Variants in MTR observed in about 807,000 individuals in gnomAD.
MTR encodes the protein methionine synthase.
Under a neutral mutation model 154.8 loss-of-function variants are expected in MTR, and 84 were observed. The ratio of observed to expected loss-of-function variants is 0.54; its 90% CI spans 0.45 to 0.65. MTR has a LOEUF of 0.65. MTR is among the 30% of genes least tolerant of loss of function. The probability of loss-of-function intolerance (pLI) is 0.00; values close to 1 mark genes in which losing one functional copy is unlikely to be tolerated. For missense variants in MTR, 1,275 were observed against 1,570.2 expected, an observed-to-expected ratio of 0.81 and a Z score of 3.18; for synonymous variants, 554 against 553.9, an observed-to-expected ratio of 1.00 and a Z score of 0.00.
At position 236,795,746 on chromosome 1, in the gene MTR, G is replaced by A; in HGVS notation, c.34+9G>A. 6.2e-7 allele frequency: 1 copy of A among 1,614,180 alleles called. No individual in the cohort carries two copies. Among genetic ancestry groups the A allele is most frequent in the Non-Finnish European group, 8.5e-7 (1 of 1,180,044 alleles). On this transcript the variant is annotated intron_variant, in intron 1 of 32. Transcript: ENST00000366577. Reference sequence around the variant, plus strand: ...AGACCTGTCGCAACCCGGTAACGCTGCGACCCCGTCTGCGTGGTTGGGTTG... The same window carrying A: ...AGACCTGTCGCAACCCGGTAACGCTACGACCCCGTCTGCGTGGTTGGGTTG...
At chr1:236,842,972 G>C (rs1195695251) in intron 15 of MTR, among the ~76,000 whole-genome samples, 1 of 151,288 alleles carries the variant, frequency 6.6e-6, no homozygotes, top group East Asian at 1.9e-4. Context: ...TGTAATCCTA[G>C]CTACTGGGGA....
At chr1:236,862,805 G>A (rs1664621120) in intron 21 of MTR, among the ~76,000 whole-genome samples, 1 of 152,168 alleles carries the variant, frequency 6.6e-6, no homozygotes. Context: ...CTTGTTGGCT[G>A]CACCACCAGA....
chr1:236,835,514 C>A, intron 13 of MTR, 33 bp from the exon 14 acceptor site: 1 of 1,612,426 alleles, frequency 6.2e-7, no homozygotes, highest in Non-Finnish European at 8.5e-7. Context: ...TAACTGTCTC[C>A]TAATGCTGCT....
chr1:236,840,486 G>C (rs1663164675), intron 15 of MTR, among the ~76,000 whole-genome samples: 1 of 152,180 alleles, frequency 6.6e-6, no homozygotes, highest in South Asian at 2.1e-4. Flanking sequence ...TGTCAGGGAA[G>C]AGTTGGCCTG....
intron 2 of MTR, among the ~76,000 whole-genome samples, chr1:236,805,245 G>A (rs145105038): frequency 3.3e-5 from 5 of 152,228 alleles, no homozygotes; most frequent in East Asian, 1.9e-4. Flanking sequence ...CCAGGGAGAC[G>A]AGTTTCGAAG....
chr1:236,860,404 T>G (rs1218334327), intron 19 of MTR, among the ~76,000 whole-genome samples: 1 of 134,008 alleles, frequency 7.5e-6, no homozygotes, highest in Non-Finnish European at 1.6e-5. Context: ...AGTTTTGTTT[T>G]GTTTTGTTTT....
At chr1:236,820,736 C>T (rs1343586716) in intron 8 of MTR, among the ~76,000 whole-genome samples, 2 of 152,186 alleles carry the variant, frequency 1.3e-5, no homozygotes, top group Admixed American at 1.3e-4. Context: ...AAACTATCCT[C>T]CAAAGCTGCT....
At chr1:236,825,446 T>C (rs757377541) in intron 10 of MTR, 47 bp downstream of exon 10, 1 of 1,497,460 alleles carries the variant, frequency 6.7e-7, no homozygotes, top group African/African-American at 1.4e-5. Context: ...ACAGAAAGAT[T>C]GAATTTTAGA....
intron 8 of MTR, chr1:236,820,234 C>G (rs61831810): frequency 0.39 from 290,500 of 752,980 alleles, 57,951 homozygotes; most frequent in East Asian, 0.46. Flanking sequence ...CATGCCTGAT[C>G]TCTGCTTGTA....
At chr1:236,859,341 A>C (rs1177817863) in intron 18 of MTR, among the ~76,000 whole-genome samples, 3 of 152,254 alleles carry the variant, frequency 2.0e-5, no homozygotes, top group Admixed American at 6.5e-5. Context: ...GGTTTCCAAC[A>C]CAACTTTTGG....
rs1381782265 is a variant in MTR, at chr1:236,877,433, G to A, written c.2594+2587G>A. Among the ~76,000 whole-genome samples, 5 of 152,124 alleles carry A rather than the reference G, an allele frequency of 3.3e-5. No homozygotes were observed. In the East Asian group the frequency reaches 9.6e-4, roughly 29 times the overall value. ...CACCCAGTCATCCTTTCCAACAAAA[G>A]TAACCACTGTTCTTTCTTGTCACCA... On this transcript the variant is annotated intron_variant, in intron 24 of 32. Transcript: ENST00000366577.
intron 26 of MTR, 121 bp from the exon 27 acceptor site, chr1:236,886,171 C>A: frequency 1.3e-6 from 1 of 798,256 alleles, no homozygotes; most frequent in Non-Finnish European, 2.1e-6. Context: ...AATAAACATT[C>A]TCATGAATAA....
chr1:236,820,216 C>T (rs943326529), intron 8 of MTR: 39 of 756,924 alleles, frequency 5.2e-5, no homozygotes, highest in African/African-American at 8.5e-5. Flanking sequence ...TGAACACTTG[C>T]GGGAGGTCAT....
At chr1:236,868,507 G>T (rs1664945480) in intron 22 of MTR, among the ~76,000 whole-genome samples, 1 of 151,996 alleles carries the variant, frequency 6.6e-6, no homozygotes, top group Non-Finnish European at 1.5e-5. Context: ...TTCCCCTCAA[G>T]AAATAATGTA....
chr1:236,885,376 G>T lies in MTR; in HGVS notation c.2775+157G>T, dbSNP rs2275565. ...TTCTAGTTCAAATCAGAGGTCTTCA[G>T]TGTCTTAAGTTCCCAAATAATTTTT... On this transcript the variant is annotated intron_variant, in intron 26 of 32. Coordinates refer to ENST00000366577, the MANE Select transcript of MTR (RefSeq NM_000254.3). 0.29 allele frequency among the ~76,000 whole-genome samples: 44,195 copies of T among 152,086 alleles called. 7,550 individuals carry two copies. Among genetic ancestry groups the T allele is most frequent in the African/African-American group, 0.47 (19,393 of 41,440 alleles).
intron 29 of MTR, 89 bp downstream of exon 29, chr1:236,891,418 C>A: frequency 7.8e-7 from 1 of 1,285,912 alleles, no homozygotes; most frequent in Non-Finnish European, 1.1e-6. Context: ...TGAGGGTCTG[C>A]TTCACCTCCT....
At chr1:236,883,574 A>G (rs1369177586) in intron 25 of MTR, among the ~76,000 whole-genome samples, 1 of 152,220 alleles carries the variant, frequency 6.6e-6, no homozygotes, top group Non-Finnish European at 1.5e-5. Context: ...AGTTCAGAGT[A>G]GGCATTCCCT....
chr1:236,799,636 A>C (rs951966928), intron 1 of MTR, among the ~76,000 whole-genome samples: 34 of 152,150 alleles, frequency 2.2e-4, no homozygotes, highest in Admixed American at 2.2e-3. Context: ...TGTATATTAC[A>C]TTCTGGAATG....
chr1:236,841,676 G>A (rs930443534), intron 15 of MTR, among the ~76,000 whole-genome samples: 1 of 149,672 alleles, frequency 6.7e-6, no homozygotes, highest in East Asian at 1.9e-4. Flanking sequence ...ATTTGGTAGA[G>A]TGCATTCTCT....
Sources: gnomAD v4.1 joint callset for allele counts (sites outside exome capture counted in the v4.1 genomes callset) on GRCh38, gnomAD v4.1.1 for gene constraint, MANE v1.5 for transcripts, NCBI Gene and HGNC (gene_info 2026-07-23, HGNC 2026-07-21) for gene names.